The following KALRN variants were observed in gnomAD, a reference collection of about 807,000 sequenced individuals.
KALRN encodes the protein kalirin RhoGEF kinase, also known as kalirin.
Under a neutral mutation model 353.7 loss-of-function variants are expected in KALRN, and 70 were observed. The ratio of observed to expected loss-of-function variants is 0.20; its 90% CI spans 0.16 to 0.24. KALRN has a LOEUF of 0.24. KALRN is among the 10% of genes least tolerant of loss of function. KALRN has a pLI of 1.00. For missense variants in KALRN, 2,791 were observed against 3,756.7 expected, an observed-to-expected ratio of 0.74 and a Z score of 6.72; for synonymous variants, 1,391 against 1,434.8, an observed-to-expected ratio of 0.97 and a Z score of 0.69.
intron 33 of KALRN, among the ~76,000 whole-genome samples, chr3:124,520,039 A>G (rs1158079270): frequency 6.6e-6 from 1 of 152,088 alleles, no homozygotes; most frequent in Non-Finnish European, 1.5e-5. Flanking sequence ...CATATCAACC[A>G]CAGCAATTTT....
At chr3:124,131,384 C>T (rs766974392) in intron 1 of KALRN, among the ~76,000 whole-genome samples, 3 of 152,156 alleles carry the variant, frequency 2.0e-5, no homozygotes, top group African/African-American at 4.8e-5. Flanking sequence ...TGAAATAGAC[C>T]TTCCAGTCAC....
Position 124,657,567 on chromosome 3 carries a change from GC to G in KALRN, c.5966+20del. On this transcript the variant is annotated intron_variant, in intron 40 of 59. Coordinates refer to ENST00000682506, the MANE Select transcript of KALRN (RefSeq NM_001388419.1). ...GGCATAAGGAGTAAGTGTTAATGCT[GC>G]CCCGAGGATCCAGTGTCCTGGGAAT... The G allele has an allele frequency of 1.3e-6, 2 of 1,586,460 alleles. No individual in the cohort carries two copies. The highest frequency in any genetic ancestry group is 1.7e-6 in the Non-Finnish European group (2 of 1,154,872).
In KALRN at chr3:124,328,230, A is replaced by G. The variant is rs77171764; in HGVS notation, c.1285-1631A>G. 0.014 allele frequency among the ~76,000 whole-genome samples: 2,138 copies of G among 152,290 alleles called. 93 individuals are homozygous for G. In the East Asian group the frequency reaches 0.15, roughly 11 times the overall value. On this transcript the variant is annotated intron_variant, in intron 7 of 59. Coordinates refer to ENST00000682506, the MANE Select transcript of KALRN (RefSeq NM_001388419.1). ...CGCCGTTGTTAAGGTTGTTGGTGGT[A>G]GTGACTGATAGTGACTGGTTCATTC...
chr3:124,540,235 A>G (rs963926886), intron 33 of KALRN, among the ~76,000 whole-genome samples: 3 of 152,200 alleles, frequency 2.0e-5, no homozygotes, highest in African/African-American at 7.2e-5. Context: ...AATACTTTAA[A>G]TTATTATAAA....
intron 47 of KALRN, 45 bp downstream of exon 47, chr3:124,667,228 C>G (rs778103090): frequency 5.2e-6 from 8 of 1,549,474 alleles, no homozygotes; most frequent in Non-Finnish European, 6.2e-6. Flanking sequence ...TCAGGGGACT[C>G]CACGACCTCT....
intron 13 of KALRN, among the ~76,000 whole-genome samples, chr3:124,400,554 C>T (rs957066411): frequency 2.0e-5 from 3 of 151,984 alleles, no homozygotes; most frequent in East Asian, 3.9e-4. Flanking sequence ...TATCAACACA[C>T]ATTTTGAAAA....
chr3:124,446,080 C>A, intron 19 of KALRN, 81 bp from the exon 20 acceptor site: 2 of 806,988 alleles, frequency 2.5e-6, no homozygotes, highest in Admixed American at 2.1e-5. Flanking sequence ...GGTCACCTGG[C>A]ACCTGGGCCG....
intron 32 of KALRN, 28 bp from the exon 33 acceptor site, chr3:124,496,283 C>T (rs752632185): frequency 1.3e-6 from 2 of 1,581,282 alleles, no homozygotes; most frequent in Non-Finnish European, 1.7e-6. Context: ...CCACCCCCAC[C>T]CCTGTTTTTT....
At chr3:124,252,853 A>T (rs775112996) in intron 3 of KALRN, among the ~76,000 whole-genome samples, 4 of 152,176 alleles carry the variant, frequency 2.6e-5, no homozygotes, top group Non-Finnish European at 5.9e-5. Flanking sequence ...TGCCTTCTGG[A>T]TACCCAGCCA....
chr3:124,352,072 G>A (rs1372595662), intron 10 of KALRN, among the ~76,000 whole-genome samples: 1 of 152,220 alleles, frequency 6.6e-6, no homozygotes, highest in African/African-American at 2.4e-5. Flanking sequence ...CCCGGGCACT[G>A]GCGGGAACCT....
chr3:124,460,704 T>C (rs2107670338), intron 23 of KALRN, among the ~76,000 whole-genome samples: 1 of 152,362 alleles, frequency 6.6e-6, no homozygotes, highest in East Asian at 1.9e-4. Flanking sequence ...GTCCTACCTC[T>C]GGTTGTAATT....
intron 6 of KALRN, among the ~76,000 whole-genome samples, chr3:124,315,154 C>A (rs770582717): frequency 2.0e-5 from 3 of 152,216 alleles, no homozygotes; most frequent in Admixed American, 6.5e-5. Flanking sequence ...GAGGACATTT[C>A]TCCGACCTCA....
At chr3:124,711,610 C>T (rs182761050) in intron 57 of KALRN, among the ~76,000 whole-genome samples, 1 of 152,298 alleles carries the variant, frequency 6.6e-6, no homozygotes, top group Non-Finnish European at 1.5e-5. Context: ...TCTCTTGCCA[C>T]CTTCCACAGG....
chr3:124,589,159 G>C (rs942691563), intron 34 of KALRN, among the ~76,000 whole-genome samples: 1 of 152,180 alleles, frequency 6.6e-6, no homozygotes, highest in African/African-American at 2.4e-5. Flanking sequence ...TTCTCAGCCA[G>C]AAACCTTATG....
chr3:124,553,871 C>A (rs2070860962), intron 33 of KALRN, among the ~76,000 whole-genome samples: 1 of 152,370 alleles, frequency 6.6e-6, no homozygotes, highest in South Asian at 2.1e-4. Context: ...TCCTCCCAGC[C>A]GCATCTCTAT....
At chr3:124,144,557 C>A (rs995745830) in intron 1 of KALRN, among the ~76,000 whole-genome samples, 1 of 151,344 alleles carries the variant, frequency 6.6e-6, no homozygotes, top group African/African-American at 2.4e-5. Context: ...CCTCATCATC[C>A]TCCTCCTCCT....
intron 33 of KALRN, among the ~76,000 whole-genome samples, chr3:124,555,035 G>A (rs150531013): frequency 1.3e-3 from 201 of 152,218 alleles, no homozygotes; most frequent in African/African-American, 4.7e-3. Flanking sequence ...AGGAAAGTGC[G>A]CATAGGATAG....
intron 1 of KALRN, among the ~76,000 whole-genome samples, chr3:124,134,142 T>C (rs1443248264): frequency 6.6e-6 from 1 of 152,180 alleles, no homozygotes; most frequent in Non-Finnish European, 1.5e-5. Context: ...ACTATAAGGC[T>C]ATAGTCACCA....
At chr3:124,246,461 G>T (rs544756722) in intron 3 of KALRN, among the ~76,000 whole-genome samples, 1 of 147,672 alleles carries the variant, frequency 6.8e-6, no homozygotes, top group African/African-American at 2.6e-5. Context: ...GGGCTTGCTT[G>T]TTTTTTTTTG....
Sources: gnomAD v4.1 joint callset for allele counts (sites outside exome capture counted in the v4.1 genomes callset) on GRCh38, gnomAD v4.1.1 for gene constraint, MANE v1.5 for transcripts, NCBI Gene and HGNC (gene_info 2026-07-23, HGNC 2026-07-21) for gene names.